The following L3MBTL4 variants were observed in gnomAD, a reference collection of about 807,000 sequenced individuals.
L3MBTL4 encodes lethal(3)malignant brain tumor-like protein 4.
A neutral mutation model predicts 84.5 loss-of-function variants in L3MBTL4; 70 were observed. That is an observed-to-expected ratio of 0.83 (90% CI 0.68 to 1.01). The LOEUF (loss-of-function observed/expected upper bound fraction) is 1.01, where lower values mean the gene tolerates loss of function less well. Ranked by LOEUF, L3MBTL4 falls within the 50% of genes least tolerant of loss-of-function variation. L3MBTL4 has a pLI of 0.00. For synonymous variants in L3MBTL4, 274 were observed against 259.8 expected (o/e 1.05, Z -0.52); for missense variants, 715 against 754.8 (o/e 0.95, Z 0.62).
At chr18:6,010,118 A>G (rs1420117871) in intron 16 of L3MBTL4, among the ~76,000 whole-genome samples, 2 of 151,654 alleles carry the variant, frequency 1.3e-5, no homozygotes, top group Non-Finnish European at 2.9e-5. Flanking sequence ...TGGATGTTCA[A>G]CAAGGTGCGA....
intron 16 of L3MBTL4, among the ~76,000 whole-genome samples, chr18:5,986,870 C>T (rs2053485526): frequency 6.6e-6 from 1 of 152,240 alleles, no homozygotes; most frequent in Non-Finnish European, 1.5e-5. Context: ...TTCACAGTTA[C>T]TAACATAGGA....
In L3MBTL4 at chr18:6,238,011, G is replaced by T. The variant is rs752987645; in HGVS notation, c.737C>A (p.Pro246Gln). 6.2e-7 allele frequency: 1 copy of T among 1,614,132 alleles called. No homozygotes were observed. The highest frequency in any genetic ancestry group is 8.5e-7 in the Non-Finnish European group (1 of 1,180,008). ...TCCATTCTCCTGACACCAACCAACT[G>T]GCTGGACATAAGGGCTATTAACATC... ...WCDVNSPYVQ[P>Q]VGWCQENGRT... The change falls in exon 10 of 19, where the codon CCA (proline) becomes CAA (glutamine). Residue 246 changes from proline to glutamine, a missense_variant. Coordinates refer to ENST00000317931, the MANE Select transcript of L3MBTL4 (RefSeq NM_001330559.2).
chr18:6,069,137 AT>A (rs1188459328), intron 16 of L3MBTL4, among the ~76,000 whole-genome samples: 2 of 152,198 alleles, frequency 1.3e-5, no homozygotes, highest in African/African-American at 4.8e-5. Context: ...ACTCTGTGAG[AT>A]TTCTTGGTTG....
chr18:6,186,594 C>G lies in L3MBTL4; in HGVS notation c.982-14652G>C, dbSNP rs370439259. 1.5e-4 allele frequency among the ~76,000 whole-genome samples: 23 copies of G among 152,284 alleles called. No homozygotes were observed. The Middle Eastern group carries it at 0.01, about 68-fold the overall frequency. On this transcript the variant is annotated intron_variant, in intron 12 of 18. Transcript: ENST00000317931. ...ATGGGAAAGCAGGAGGGAGGAGAAC[C>G]GCAAGGCAACTTCTAGTTTCTCAGG... is the stretch of plus-strand genomic sequence containing the variant.
intron 1 of L3MBTL4, among the ~76,000 whole-genome samples, chr18:6,355,049 A>G (rs1343876187): frequency 6.6e-6 from 1 of 152,212 alleles, no homozygotes; most frequent in South Asian, 2.1e-4. Flanking sequence ...CCATCAGGAG[A>G]TGAACAGATA....
At chr18:6,190,362 C>T (rs764572951) in intron 12 of L3MBTL4, among the ~76,000 whole-genome samples, 7 of 152,062 alleles carry the variant, frequency 4.6e-5, no homozygotes, top group Admixed American at 2.6e-4. Context: ...ATGATAGTTA[C>T]GGGTAGATAC....
intron 14 of L3MBTL4, among the ~76,000 whole-genome samples, chr18:6,118,145 A>G (rs2059412445): frequency 1.4e-5 from 2 of 147,412 alleles, no homozygotes; most frequent in African/African-American, 5.0e-5. Flanking sequence ...CCCAAGCTTC[A>G]GGTATTTGAA....
chr18:6,047,392 A>T (rs949467019), intron 16 of L3MBTL4, among the ~76,000 whole-genome samples: 1 of 152,180 alleles, frequency 6.6e-6, no homozygotes, highest in African/African-American at 2.4e-5. Flanking sequence ...CTCCTCCCTA[A>T]CTGATTCTAC....
intron 1 of L3MBTL4, among the ~76,000 whole-genome samples, chr18:6,401,971 CAT>C (rs1046562287): frequency 4.6e-5 from 7 of 152,234 alleles, no homozygotes; most frequent in Non-Finnish European, 1.0e-4. Context: ...GAAGCGGAGA[CAT>C]AACTTTCAAG....
intron 4 of L3MBTL4, among the ~76,000 whole-genome samples, chr18:6,296,139 A>T (rs1196298902): frequency 6.6e-6 from 1 of 152,202 alleles, no homozygotes; most frequent in African/African-American, 2.4e-5. Context: ...ACACCCGGGA[A>T]GTAAACTAGC....
chr18:6,307,435 CAAAA>C (rs10610609), intron 3 of L3MBTL4, among the ~76,000 whole-genome samples: 6 of 115,394 alleles, frequency 5.2e-5, no homozygotes, highest in African/African-American at 6.3e-5. Context: ...GACTCCGTCT[CAAAA>C]AAAAAAAAAA....
intron 5 of L3MBTL4, among the ~76,000 whole-genome samples, chr18:6,261,393 G>A (rs2048392794): frequency 6.6e-6 from 1 of 152,176 alleles, no homozygotes; most frequent in Non-Finnish European, 1.5e-5. Context: ...AAATATTAGA[G>A]TTCAAAAGCT....
At chr18:6,380,391 T>C (rs1412723926) in intron 1 of L3MBTL4, among the ~76,000 whole-genome samples, 1 of 152,222 alleles carries the variant, frequency 6.6e-6, no homozygotes, top group Non-Finnish European at 1.5e-5. Flanking sequence ...CTTCTCTAGT[T>C]CTTTTAATTT....
At chr18:6,000,284 G>C (rs1287567181) in intron 16 of L3MBTL4, among the ~76,000 whole-genome samples, 1 of 152,170 alleles carries the variant, frequency 6.6e-6, no homozygotes, top group Non-Finnish European at 1.5e-5. Flanking sequence ...AGCTTAGTGA[G>C]GCAATTATCT....
intron 5 of L3MBTL4, among the ~76,000 whole-genome samples, chr18:6,251,911 T>C (rs1408918142): frequency 6.6e-6 from 1 of 152,086 alleles, no homozygotes; most frequent in Non-Finnish European, 1.5e-5. Context: ...GACTACCAAT[T>C]TGGAAAGAAC....
intron 13 of L3MBTL4, among the ~76,000 whole-genome samples, chr18:6,166,535 T>C (rs1467644343): frequency 1.3e-5 from 2 of 152,062 alleles, no homozygotes; most frequent in African/African-American, 2.4e-5. Context: ...CACTCAAAAC[T>C]GCTCAACTAC....
At chr18:6,078,975 C>T (rs1428194291) in intron 16 of L3MBTL4, among the ~76,000 whole-genome samples, 1 of 152,110 alleles carries the variant, frequency 6.6e-6, no homozygotes, top group Non-Finnish European at 1.5e-5. Context: ...CAATACTGTT[C>T]GTGCTCCTAT....
chr18:6,165,898 C>G (rs370411591), intron 13 of L3MBTL4, among the ~76,000 whole-genome samples: 16 of 152,186 alleles, frequency 1.1e-4, no homozygotes, highest in East Asian at 1.9e-4. Flanking sequence ...ATTGGATAAA[C>G]AGTCAAGACC....
In L3MBTL4 at chr18:6,351,583, G is replaced by A. The variant is rs559503902; in HGVS notation, c.-90-39527C>T. ...ATTTTTTTTTTTGAGATGGAGTCTC[G>A]CTCTGTCGCCCAGGCTGGAGTGCAG... is the stretch of plus-strand genomic sequence containing the variant. On this transcript the variant is annotated intron_variant, in intron 1 of 18. Transcript: ENST00000317931. Among the ~76,000 whole-genome samples, 71 of 151,244 alleles carry A rather than the reference G, an allele frequency of 4.7e-4. 1 individual carries two copies. Among genetic ancestry groups the A allele is most frequent in the Non-Finnish European group, 8.8e-5 (6 of 67,842 alleles).
Sources: allele counts gnomAD v4.1 joint callset (sites outside exome capture counted in the v4.1 genomes callset), GRCh38; gene constraint gnomAD v4.1.1; transcripts MANE v1.5; gene names NCBI Gene and HGNC (gene_info 2026-07-23, HGNC 2026-07-21).